Variants in ELP4 observed in about 807,000 individuals in gnomAD.
ELP4 encodes elongator acetyltransferase complex subunit 4, also known as elongator complex protein 4.
In ELP4, 51 loss-of-function variants were observed where a neutral mutation model predicts 48.9. That is an observed-to-expected ratio of 1.04 (90% CI 0.83 to 1.32). ELP4 has a LOEUF of 1.32. Ranked by LOEUF, ELP4 falls within the 40% of genes most tolerant of loss-of-function variation. ELP4 has a pLI of 0.00. For missense variants in ELP4, 519 were observed against 514.6 expected (o/e 1.01, Z -0.08); for synonymous variants, 210 against 189.2 (o/e 1.11, Z -0.90).
At chr11:31,696,795 A>G (rs544457087) in intron 9 of ELP4, among the ~76,000 whole-genome samples, 4 of 152,294 alleles carry the variant, frequency 2.6e-5, no homozygotes, top group South Asian at 4.1e-4. Flanking sequence ...GACAGGATCA[A>G]ATTCACACCT....
At chr11:31,662,401 A>G in intron 9 of ELP4, 2 of 393,460 alleles carry the variant, frequency 5.1e-6, no homozygotes, top group Non-Finnish European at 9.0e-6. Flanking sequence ...TTGCAATAGA[A>G]CATGTGATTA....
chr11:31,695,505 A>C (rs1946382444), intron 9 of ELP4, among the ~76,000 whole-genome samples: 1 of 151,806 alleles, frequency 6.6e-6, no homozygotes. Context: ...CTAGGGATGA[A>C]GACAACTTGA....
At chr11:31,529,207 A>G (rs1336381781) in intron 2 of ELP4, among the ~76,000 whole-genome samples, 1 of 152,110 alleles carries the variant, frequency 6.6e-6, no homozygotes, top group African/African-American at 2.4e-5. Flanking sequence ...GCTCAATAAT[A>G]TTAGCTATTT....
At chr11:31,699,745 G>A (rs12418196) in intron 9 of ELP4, among the ~76,000 whole-genome samples, 3,999 of 152,162 alleles carry the variant, frequency 0.026, 155 homozygotes, top group Admixed American at 0.098. Flanking sequence ...AGATGATCAA[G>A]GTTGACATCA....
intron 1 of ELP4, 41 bp downstream of exon 1, chr11:31,510,048 C>T (rs1955955178): frequency 1.9e-6 from 3 of 1,581,258 alleles, no homozygotes; most frequent in Non-Finnish European, 2.6e-6. Flanking sequence ...CGAGGGGAAA[C>T]TTAGGGAGGG....
At chr11:31,524,062 A>G (rs1956256798) in intron 2 of ELP4, among the ~76,000 whole-genome samples, 1 of 152,122 alleles carries the variant, frequency 6.6e-6, no homozygotes, top group Non-Finnish European at 1.5e-5. Context: ...TAATTATGTA[A>G]TTTTAGTTCT....
At chr11:31,722,887 T>C (rs1483271393) in intron 9 of ELP4, among the ~76,000 whole-genome samples, 1 of 152,170 alleles carries the variant, frequency 6.6e-6, no homozygotes, top group Non-Finnish European at 1.5e-5. Context: ...AGGTTTTTGC[T>C]CTTGCCAGCC....
intron 5 of ELP4, among the ~76,000 whole-genome samples, chr11:31,609,059 G>A (rs959068814): frequency 6.6e-6 from 1 of 152,130 alleles, no homozygotes; most frequent in African/African-American, 2.4e-5. Context: ...GTTGTTAAGA[G>A]GACAATCAGA....
intron 6 of ELP4, among the ~76,000 whole-genome samples, chr11:31,630,310 C>T (rs192875271): frequency 4.1e-5 from 6 of 146,540 alleles, no homozygotes; most frequent in Non-Finnish European, 8.9e-5. Context: ...AATTATAGAG[C>T]AACAATGTTA....
chr11:31,762,466 AT>A (rs1565145041), intron 9 of ELP4, among the ~76,000 whole-genome samples: 1 of 152,140 alleles, frequency 6.6e-6, no homozygotes, highest in Non-Finnish European at 1.5e-5. Context: ...TTTTTAAAAA[AT>A]AACCTTTAGA....
intron 3 of ELP4, among the ~76,000 whole-genome samples, chr11:31,589,716 A>G (rs1957537342): frequency 6.6e-6 from 1 of 152,186 alleles, no homozygotes; most frequent in South Asian, 2.1e-4. Flanking sequence ...TCAACTAATT[A>G]TATATAGAAT....
intron 3 of ELP4, among the ~76,000 whole-genome samples, chr11:31,561,995 T>A (rs893446063): frequency 6.6e-6 from 1 of 152,166 alleles, no homozygotes; most frequent in African/African-American, 2.4e-5. Context: ...GTCAGTGCCA[T>A]CCATAGGCAG....
intron 3 of ELP4, among the ~76,000 whole-genome samples, chr11:31,545,022 C>T (rs1045706503): frequency 2.0e-5 from 3 of 152,016 alleles, no homozygotes; most frequent in Non-Finnish European, 4.4e-5. Flanking sequence ...TCATCAAAGA[C>T]CAAAAGTAGA....
intron 4 of ELP4, among the ~76,000 whole-genome samples, chr11:31,596,550 T>C (rs1221275226): frequency 2.0e-5 from 3 of 152,198 alleles, no homozygotes; most frequent in African/African-American, 7.2e-5. Flanking sequence ...TAATGCTCTT[T>C]TAATCAATAA....
In ELP4 at chr11:31,787,489, AGCAGCTGTGGCAT is replaced by A; in HGVS notation, c.*3969_*3981del. On this transcript the variant is annotated 3_prime_UTR_variant, in exon 10 of 10. Coordinates refer to ENST00000640961, the MANE Select transcript of ELP4 (RefSeq NM_019040.5). ...GCGAGAAGGAAGAAGTAAGCCAGCCAGCAGCTGTGGCATGCACTCCCACATAGCCCTTCTCTGA... is the reference window on the plus strand; with the variant it reads ...GCGAGAAGGAAGAAGTAAGCCAGCCAGCACTCCCACATAGCCCTTCTCTGA... The A allele has an allele frequency of 4.3e-6, 1 of 233,244 alleles. No homozygotes were observed. Among genetic ancestry groups the A allele is most frequent in the Admixed American group, 5.6e-5 (1 of 17,794 alleles). 14.4% of individuals were successfully genotyped at this position (233,244 alleles called of 1,614,324 possible). A position where few individuals can be genotyped will look rare whatever the true frequency, so the allele number is the denominator to read the frequency against.
At chr11:31,770,854 A>G (rs1472418511) in intron 9 of ELP4, among the ~76,000 whole-genome samples, 2 of 105,144 alleles carry the variant, frequency 1.9e-5, no homozygotes, top group African/African-American at 7.4e-5. Flanking sequence ...AAAAAACAAG[A>G]AAGGAGGGAG....
chr11:31,513,255 T>C (rs1956043283), intron 1 of ELP4, among the ~76,000 whole-genome samples: 1 of 152,230 alleles, frequency 6.6e-6, no homozygotes, highest in Non-Finnish European at 1.5e-5. Flanking sequence ...ACTTAATCTA[T>C]AGAACTATTC....
chr11:31,526,441 T>C (rs1289727017), intron 2 of ELP4, among the ~76,000 whole-genome samples: 2 of 152,094 alleles, frequency 1.3e-5, no homozygotes, highest in African/African-American at 4.8e-5. Flanking sequence ...GTCACCTCTT[T>C]TTTATTTTCA....
chr11:31,716,643 C>T (rs1946847390), intron 9 of ELP4, among the ~76,000 whole-genome samples: 1 of 152,072 alleles, frequency 6.6e-6, no homozygotes, highest in South Asian at 2.1e-4. Flanking sequence ...TTTCCCATTG[C>T]AATATAGATG....
Sources: gnomAD v4.1 joint callset for allele counts (sites outside exome capture counted in the v4.1 genomes callset) on GRCh38, gnomAD v4.1.1 for gene constraint, MANE v1.5 for transcripts, NCBI Gene and HGNC (gene_info 2026-07-23, HGNC 2026-07-21) for gene names.